Variants in PHACTR1 observed in about 807,000 individuals in gnomAD.
The protein encoded by PHACTR1 is RPEL repeat containing 1.
A neutral mutation model predicts 69.2 loss-of-function variants in PHACTR1; 16 were observed. The observed-to-expected ratio is 0.23, with a 90% CI of 0.16 to 0.35. The LOEUF (loss-of-function observed/expected upper bound fraction) is 0.35, where lower values mean the gene tolerates loss of function less well. Among genes scored for constraint, PHACTR1 ranks in the 10% least tolerant of loss-of-function variants. The pLI, the probability that PHACTR1 is intolerant of heterozygous loss-of-function variation, is 1.00. For missense variants in PHACTR1, 510 were observed against 734.7 expected (o/e 0.69, Z 3.54); for synonymous variants, 312 against 284.5 (o/e 1.10, Z -0.97).
rs149073161 is a variant in PHACTR1 at position 12,894,772 on chromosome 6, C to A, written c.250+144982C>A. 6.8e-4 allele frequency among the ~76,000 whole-genome samples: 104 copies of A among 151,958 alleles called. 2 individuals carry two copies. The East Asian group carries it at 0.019, about 28-fold the overall frequency. ...TGGAATCGAATGTCTATTTTATAGACCTAGAATTACATGAGGAATAAAAGC... is the reference window on the plus strand; with the variant it reads ...TGGAATCGAATGTCTATTTTATAGAACTAGAATTACATGAGGAATAAAAGC... On this transcript the variant is annotated intron_variant, in intron 4 of 14. Transcript: ENST00000332995.
rs144038707 is a variant in PHACTR1 at position 13,072,385 on chromosome 6, A to T, written c.415+18856A>T. ...ACTAGAAGAAAACTTGAGAATTTTT[A>T]AAAAATATAAATAATTGATATTAAA... On this transcript the variant is annotated intron_variant, in intron 5 of 14. Coordinates refer to ENST00000332995, the MANE Select transcript of PHACTR1 (RefSeq NM_030948.6). Among the ~76,000 whole-genome samples the T allele has an allele frequency of 2.2e-4, 33 of 152,328 alleles. 1 individual carries two copies. The East Asian group carries it at 4.2e-3, about 20-fold the overall frequency.
At chr6:12,909,222 C>A (rs1303305912) in intron 4 of PHACTR1, among the ~76,000 whole-genome samples, 2 of 152,184 alleles carry the variant, frequency 1.3e-5, no homozygotes, top group African/African-American at 4.8e-5. Flanking sequence ...ATCTCCCCAC[C>A]ATTTGGTTAC....
At chr6:12,957,254 TCA>T (rs1491336944) in intron 4 of PHACTR1, 2 of 360,188 alleles carry the variant, frequency 5.6e-6, no homozygotes, top group Admixed American at 2.5e-4. Context: ...CAACAAATAC[TCA>T]AAAAAAAAAA....
chr6:13,194,435 AAAG>A (rs1363620943), intron 7 of PHACTR1, among the ~76,000 whole-genome samples: 2 of 151,960 alleles, frequency 1.3e-5, no homozygotes, highest in African/African-American at 2.4e-5. Flanking sequence ...AGGAAAAAGA[AAAG>A]AGAGCAGTTC....
At chr6:12,926,498 T>G (rs1216400437) in intron 4 of PHACTR1, among the ~76,000 whole-genome samples, 5 of 152,172 alleles carry the variant, frequency 3.3e-5, no homozygotes, top group Non-Finnish European at 7.4e-5. Flanking sequence ...TTACTTCGAA[T>G]TCCTTTTTCT....
chr6:13,125,366 A>ATTT (rs550183364), intron 5 of PHACTR1, among the ~76,000 whole-genome samples: 4,254 of 146,540 alleles, frequency 0.029, 201 homozygotes, highest in African/African-American at 0.1. Flanking sequence ...ATTGCACTGG[A>ATTT]TTTTTTTTTT....
At chr6:12,999,471 G>A (rs1347181689) in intron 4 of PHACTR1, among the ~76,000 whole-genome samples, 2 of 152,094 alleles carry the variant, frequency 1.3e-5, no homozygotes, top group African/African-American at 4.8e-5. Flanking sequence ...GTGGTGGCAG[G>A]CCCCTGTAAT....
chr6:13,230,204 G>A lies in PHACTR1; in HGVS notation c.1391+11G>A, dbSNP rs754169933. ...CACCAAGCTCACCAGGTAGGACAGC[G>A]GCACCCTCTGCCTCCCTGGCAGTGG... On this transcript the variant is annotated intron_variant, in intron 10 of 14. Coordinates refer to ENST00000332995, the MANE Select transcript of PHACTR1 (RefSeq NM_030948.6). The A allele has an allele frequency of 2.5e-6, 4 of 1,602,778 alleles. No individual in the cohort carries two copies. The highest frequency in any genetic ancestry group is 2.3e-5 in the East Asian group (1 of 44,276).
chr6:13,252,101 T>TG (rs1774508389), intron 10 of PHACTR1, among the ~76,000 whole-genome samples: 1 of 147,528 alleles, frequency 6.8e-6, no homozygotes, highest in African/African-American at 2.5e-5. Context: ...GGAGGCACGG[T>TG]GACTTATGCC....
intron 4 of PHACTR1, among the ~76,000 whole-genome samples, chr6:12,830,966 G>C (rs752260421): frequency 3.3e-5 from 5 of 152,080 alleles, no homozygotes; most frequent in Admixed American, 2.0e-4. Flanking sequence ...TTGTTACATG[G>C]ATATATTGCG....
At chr6:12,928,283 C>T (rs1276593424) in intron 4 of PHACTR1, among the ~76,000 whole-genome samples, 3 of 152,166 alleles carry the variant, frequency 2.0e-5, no homozygotes, top group Non-Finnish European at 4.4e-5. Context: ...AAGCTGTTTT[C>T]GCTATGTGTG....
chr6:12,754,233 A>C (rs1767009020), intron 4 of PHACTR1, among the ~76,000 whole-genome samples: 1 of 148,882 alleles, frequency 6.7e-6, no homozygotes, highest in Admixed American at 6.8e-5. Context: ...TTGGCCTCCC[A>C]AAGTGCTGGG....
At chr6:12,771,533 A>T (rs937826433) in intron 4 of PHACTR1, among the ~76,000 whole-genome samples, 3 of 152,204 alleles carry the variant, frequency 2.0e-5, no homozygotes, top group Non-Finnish European at 4.4e-5. Flanking sequence ...TGGGTCAAAG[A>T]TTCTTGCCCA....
At chr6:12,836,911 C>T (rs550552451) in intron 4 of PHACTR1, among the ~76,000 whole-genome samples, 4 of 152,142 alleles carry the variant, frequency 2.6e-5, no homozygotes, top group African/African-American at 9.7e-5. Flanking sequence ...ATGCAGTTTC[C>T]ACATTCTGAT....
chr6:13,053,180 G>T (rs1806219208), intron 4 of PHACTR1, among the ~76,000 whole-genome samples, 185 bp from the exon 5 acceptor site: 1 of 152,112 alleles, frequency 6.6e-6, no homozygotes, highest in South Asian at 2.1e-4. Context: ...AATCTCTAGG[G>T]GTTGGCCAAC....
chr6:12,959,176 C>CAAAAAAAAAAAAAA (rs70989814), intron 4 of PHACTR1, among the ~76,000 whole-genome samples: 2 of 46,256 alleles, frequency 4.3e-5, no homozygotes, highest in East Asian at 7.1e-4. Context: ...GACTTTATCT[C>CAAAAAAAAAAAAAA]AAAAAAAAAA....
chr6:13,146,302 G>A (rs1282826732), intron 5 of PHACTR1, among the ~76,000 whole-genome samples: 1 of 152,152 alleles, frequency 6.6e-6, no homozygotes, highest in Non-Finnish European at 1.5e-5. Flanking sequence ...GTCCCCTTCA[G>A]GCAAAATATT....
At chr6:13,228,985 T>C (rs1042640124) in intron 9 of PHACTR1, among the ~76,000 whole-genome samples, 3 of 152,200 alleles carry the variant, frequency 2.0e-5, no homozygotes, top group Admixed American at 1.3e-4. Flanking sequence ...CTTACCAGGC[T>C]TCAAATAGCT....
chr6:13,119,257 T>C (rs1448621650), intron 5 of PHACTR1, among the ~76,000 whole-genome samples: 1 of 152,218 alleles, frequency 6.6e-6, no homozygotes, highest in African/African-American at 2.4e-5. Context: ...TGATACACTT[T>C]GGAAAACCCA....
Sources: gnomAD v4.1 joint callset for allele counts (sites outside exome capture counted in the v4.1 genomes callset) on GRCh38, gnomAD v4.1.1 for gene constraint, MANE v1.5 for transcripts, NCBI Gene and HGNC (gene_info 2026-07-23, HGNC 2026-07-21) for gene names.